Variants in SMIM23 observed in about 807,000 individuals in gnomAD.
The protein encoded by SMIM23 is small integral membrane protein 23.
In SMIM23, 10 loss-of-function variants were observed where a neutral mutation model predicts 12.8. The observed-to-expected ratio is 0.78, with a 90% CI of 0.48 to 1.32. The LOEUF (loss-of-function observed/expected upper bound fraction) is 1.32, where lower values mean the gene tolerates loss of function less well. Ranked by LOEUF, SMIM23 falls within the 40% of genes most tolerant of loss-of-function variation. SMIM23 has a pLI of 0.00. For synonymous variants in SMIM23, 78 were observed against 80.1 expected (o/e 0.97, Z 0.14); for missense variants, 184 against 198.2 (o/e 0.93, Z 0.43).
rs1350387508 is a variant in SMIM23, at chr5:171,790,886, A to C, written c.317A>C (p.Lys106Thr). ...GAGAAGTTGCATGTCTTCTCGGAGA[A>C]GTTAGAGGAAGAGGTGCAGCAGCTG... ...LKEKLHVFSEKLEEEVQQLEQ... is the reference protein window; with the variant it reads ...LKEKLHVFSETLEEEVQQLEQ... Residue 106 changes from lysine (K) to threonine (T), a missense_variant, in exon 4 of 4, where the codon AAG becomes ACG. Coordinates refer to ENST00000523047, the MANE Select transcript of SMIM23 (RefSeq NM_001289970.2). 6.5e-7 allele frequency: 1 copy of C among 1,536,036 alleles called. No homozygotes were observed. Among genetic ancestry groups the C allele is most frequent in the Admixed American group, 2.0e-5 (1 of 50,982 alleles).
chr5:171,774,981 G>A, the SMIM23 span, among the ~76,000 whole-genome samples: 1 of 152,156 alleles, frequency 6.6e-6, no homozygotes, highest in East Asian at 1.9e-4. Flanking sequence ...CGGGCCTCTG[G>A]TGGTCAGAGA....
At chr5:171,787,684 G>A (rs1357821439) in intron 1 of SMIM23, among the ~76,000 whole-genome samples, 2 of 152,252 alleles carry the variant, frequency 1.3e-5, no homozygotes, top group Non-Finnish European at 2.9e-5. Flanking sequence ...TGTACAGTGT[G>A]ATGATTTTGC....
chr5:171,784,158 A>G (rs114250864), upstream of SMIM23, among the ~76,000 whole-genome samples: 2,220 of 152,330 alleles, frequency 0.015, 65 homozygotes, highest in African/African-American at 0.051. Flanking sequence ...GGAAATACAC[A>G]TTAAAACCAC....
chr5:171,788,607 G>A (rs928969351), intron 1 of SMIM23, among the ~76,000 whole-genome samples: 12 of 152,080 alleles, frequency 7.9e-5, no homozygotes, highest in Non-Finnish European at 1.6e-4. Flanking sequence ...TTTAACTTAG[G>A]TGAAATGGAC....
upstream of SMIM23, among the ~76,000 whole-genome samples, chr5:171,785,498 C>T (rs1358631924): frequency 6.6e-6 from 1 of 152,002 alleles, no homozygotes; most frequent in African/African-American, 2.4e-5. Flanking sequence ...ATCCTCCAGC[C>T]TCAGCCTCCC....
intron 1 of SMIM23, among the ~76,000 whole-genome samples, chr5:171,789,721 A>T (rs1755886914): frequency 6.6e-6 from 1 of 152,246 alleles, no homozygotes; most frequent in South Asian, 2.1e-4. Context: ...ATACAAGGTT[A>T]TGGAACAGGC....
In SMIM23 at chr5:171,787,873, G is replaced by A. The variant is rs1047722507; in HGVS notation, c.105+1897G>A. Among the ~76,000 whole-genome samples, 14 of 151,994 alleles carry A rather than the reference G, an allele frequency of 9.2e-5. No homozygotes were observed. The South Asian group carries it at 2.7e-3, about 29-fold the overall frequency. On this transcript the variant is annotated intron_variant, in intron 1 of 3. Transcript: ENST00000523047. ...ATGGAATCATACCATGTATACCTTT[G>A]TGTCTGACTTCTTTCTCTTATCATT... is the stretch of plus-strand genomic sequence containing the variant.
At chr5:171,781,377 A>G (rs1755722989), upstream of SMIM23, among the ~76,000 whole-genome samples, 1 of 152,190 alleles carries the variant, frequency 6.6e-6, no homozygotes, top group Non-Finnish European at 1.5e-5. Flanking sequence ...TCATTTGCAT[A>G]ATAAGATTAG....
chr5:171,790,883 A>C lies in SMIM23; in HGVS notation c.314A>C (p.Glu105Ala). 1 of 1,536,124 alleles carries C rather than the reference A, an allele frequency of 6.5e-7. No homozygotes were observed. The highest frequency in any genetic ancestry group is 2.4e-5 in the East Asian group (1 of 40,920). The change falls in exon 4 of 4, where the codon GAG (glutamate) becomes GCG (alanine). Residue 105 changes from glutamate to alanine, a missense_variant. Transcript: ENST00000523047. ...WLKEKLHVFS[E>A]KLEEEVQQLE... ...AAGGAGAAGTTGCATGTCTTCTCGG[A>C]GAAGTTAGAGGAAGAGGTGCAGCAG...
At chr5:171,777,383 T>G in the SMIM23 span, among the ~76,000 whole-genome samples, 3 of 150,810 alleles carry the variant, frequency 2.0e-5, no homozygotes, top group South Asian at 2.1e-4. Context: ...ATTAATCCTG[T>G]TTTTTTTTCC....
the SMIM23 span, chr5:171,773,945 C>A: frequency 2.4e-6 from 1 of 421,394 alleles, no homozygotes; most frequent in South Asian, 1.8e-5. Context: ...GGGGCTCATG[C>A]CAGGCCTTGA....
At chr5:171,782,097 A>T (rs1321770467), upstream of SMIM23, among the ~76,000 whole-genome samples, 3 of 152,178 alleles carry the variant, frequency 2.0e-5, no homozygotes, top group Non-Finnish European at 4.4e-5. Flanking sequence ...CTTCACAGTA[A>T]ATCTTGCTGC....
rs1257046181 is a variant in SMIM23, at chr5:171,790,391, A to G, written c.158-91A>G. Reference sequence around the variant, plus strand: ...GGACCTCCATAACCCACCTTCTCCCACTGACCCTTCATCACACTGGGATAA... The same window carrying G: ...GGACCTCCATAACCCACCTTCTCCCGCTGACCCTTCATCACACTGGGATAA... On this transcript the variant is annotated intron_variant, in intron 2 of 3. Coordinates refer to ENST00000523047, the MANE Select transcript of SMIM23 (RefSeq NM_001289970.2). 7 of 1,504,630 alleles carry G rather than the reference A, an allele frequency of 4.7e-6. No homozygotes were observed. In the Admixed American group the frequency reaches 1.2e-4, roughly 25 times the overall value. The allele number at this position is 1,504,630 out of a possible 1,614,324, so 93.2% of individuals were successfully genotyped here. A position where few individuals can be genotyped will look rare whatever the true frequency, so the allele number is the denominator to read the frequency against.
At chr5:171,786,770 G>A (rs1078690) in intron 1 of SMIM23, among the ~76,000 whole-genome samples, 61,187 of 151,858 alleles carry the variant, frequency 0.4, 13,520 homozygotes, top group African/African-American at 0.6. Flanking sequence ...ATCATGCTGC[G>A]GCTTTTCCTA....
the SMIM23 span, chr5:171,773,785 C>T: frequency 6.6e-6 from 3 of 456,256 alleles, no homozygotes; most frequent in South Asian, 3.1e-5. Context: ...GTGGCCAGAT[C>T]GCTCATTCTT....
intron 1 of SMIM23, 104 bp downstream of exon 1, chr5:171,786,080 A>C (rs1755811660): frequency 1.1e-6 from 1 of 943,764 alleles, no homozygotes. Flanking sequence ...TCTTGGACCC[A>C]ACCGTCCCTG....
upstream of SMIM23, among the ~76,000 whole-genome samples, chr5:171,784,756 A>G (rs1755784990): frequency 6.6e-6 from 1 of 152,342 alleles, no homozygotes; most frequent in South Asian, 2.1e-4. Context: ...TTTACTCGCA[A>G]GAGTCAAAAA....
At chr5:171,786,840 A>G (rs1755826476) in intron 1 of SMIM23, among the ~76,000 whole-genome samples, 2 of 151,938 alleles carry the variant, frequency 1.3e-5, no homozygotes. Flanking sequence ...TTCTTTACAG[A>G]ATTCTGTGGC....
the SMIM23 span, among the ~76,000 whole-genome samples, chr5:171,773,480 G>A: frequency 3.0e-4 from 46 of 152,132 alleles, 1 homozygote; most frequent in South Asian, 2.1e-4. Context: ...CAGGGCATGC[G>A]CCCTGGGGCC....
Sources: allele counts gnomAD v4.1 joint callset (sites outside exome capture counted in the v4.1 genomes callset), GRCh38; gene constraint gnomAD v4.1.1; transcripts MANE v1.5; gene names NCBI Gene and HGNC (gene_info 2026-07-23, HGNC 2026-07-21).